BANK1: variants seen among roughly 807,000 people sequenced by gnomAD.
BANK1 encodes B cell scaffold protein with ankyrin repeats 1, also known as B-cell scaffold protein with ankyrin repeats.
Under a neutral mutation model 94.5 loss-of-function variants are expected in BANK1, and 95 were observed. The ratio of observed to expected loss-of-function variants is 1.00; its 90% CI spans 0.85 to 1.19. The LOEUF (loss-of-function observed/expected upper bound fraction) is 1.19. Among genes scored for constraint, BANK1 ranks in the 50% most tolerant of loss-of-function variants. BANK1 has a pLI of 0.00. For synonymous variants in BANK1, 334 were observed against 308.4 expected, an observed-to-expected ratio of 1.08 and a Z score of -0.87; for missense variants, 987 against 932.2, an observed-to-expected ratio of 1.06 and a Z score of -0.77.
intron 7 of BANK1, chr4:101,977,092 A>G (rs1254193894): frequency 6.6e-6 from 1 of 152,172 alleles, no homozygotes; most frequent in Non-Finnish European, 1.5e-5. Context: ...TTCAGTCAGG[A>G]TAGGCTAGCT....
intron 9 of BANK1, among the ~76,000 whole-genome samples, chr4:102,027,816 C>T (rs1381586435): frequency 1.3e-5 from 2 of 152,110 alleles, no homozygotes; most frequent in Non-Finnish European, 2.9e-5. Flanking sequence ...TTCTTTTTAA[C>T]CCAAGAATCC....
intron 2 of BANK1, among the ~76,000 whole-genome samples, chr4:101,831,354 A>G (rs1726611805): frequency 2.0e-5 from 3 of 152,118 alleles, no homozygotes; most frequent in Admixed American, 2.0e-4. Context: ...ATCAACCCCA[A>G]ATGGTTCGCT....
Position 102,033,532 on chromosome 4 carries a change from G to A in BANK1, c.1900+3267G>A, listed in dbSNP as rs79908904. On this transcript the variant is annotated intron_variant, in intron 10 of 16. Coordinates refer to ENST00000322953, the MANE Select transcript of BANK1 (RefSeq NM_017935.5). ...CCTGTGTCCTAAGTATGTAAATTTTGTACATGCAATGTTGCAATTTGTCCT... is the reference window on the plus strand; with the variant it reads ...CCTGTGTCCTAAGTATGTAAATTTTATACATGCAATGTTGCAATTTGTCCT... 3.4e-3 allele frequency among the ~76,000 whole-genome samples: 522 copies of A among 152,232 alleles called. 2 individuals are homozygous for A. The highest frequency in any genetic ancestry group is 0.01 in the Middle Eastern group (3 of 294).
chr4:101,860,154 A>T (rs187256633), intron 3 of BANK1, among the ~76,000 whole-genome samples: 1 of 152,338 alleles, frequency 6.6e-6, no homozygotes. Context: ...ATGTTCAAGC[A>T]AGCCCAGCTG....
chr4:101,908,890 T>G (rs1722560326), intron 6 of BANK1, among the ~76,000 whole-genome samples: 1 of 152,126 alleles, frequency 6.6e-6, no homozygotes, highest in African/African-American at 2.4e-5. Context: ...TGGTGATCAT[T>G]AAAAAGTCAG....
intron 4 of BANK1, among the ~76,000 whole-genome samples, chr4:101,869,059 A>G (rs145776954): frequency 4.2e-4 from 64 of 152,016 alleles, no homozygotes; most frequent in African/African-American, 1.4e-3. Flanking sequence ...TTAAAAATAT[A>G]TAGAATATTT....
chr4:102,072,179 G>A (rs1482527464), intron 14 of BANK1, among the ~76,000 whole-genome samples, 166 bp from the exon 15 acceptor site: 1 of 152,174 alleles, frequency 6.6e-6, no homozygotes, highest in Non-Finnish European at 1.5e-5. Context: ...GAAATTAACA[G>A]CACATGCCAA....
Position 101,866,451 on chromosome 4 carries a change from G to A in BANK1, c.763+3787G>A, listed in dbSNP as rs117222540. Among the ~76,000 whole-genome samples the A allele has an allele frequency of 9.5e-4, 144 of 152,128 alleles. 1 individual carries two copies. The East Asian group carries it at 0.022, about 23-fold the overall frequency. Reference sequence around the variant, plus strand: ...ACAAAATGAAGCACAATAAATATTCGCATATTAATGACAGATCAAAATACA... The same window carrying A: ...ACAAAATGAAGCACAATAAATATTCACATATTAATGACAGATCAAAATACA... On this transcript the variant is annotated intron_variant, in intron 4 of 16. Coordinates refer to ENST00000322953, the MANE Select transcript of BANK1 (RefSeq NM_017935.5).
chr4:101,829,699 A>G, intron 1 of BANK1, 109 bp from the exon 2 acceptor site: 1 of 595,610 alleles, frequency 1.7e-6, no homozygotes, highest in Non-Finnish European at 2.7e-6. Flanking sequence ...TTTCTCTGGT[A>G]TAAGCAAATT....
chr4:102,035,200 T>G (rs748578165), intron 10 of BANK1, among the ~76,000 whole-genome samples: 10 of 152,162 alleles, frequency 6.6e-5, no homozygotes, highest in Non-Finnish European at 1.3e-4. Flanking sequence ...ACTACCAATT[T>G]GAAGGGAAGA....
intron 1 of BANK1, among the ~76,000 whole-genome samples, chr4:101,821,606 C>T (rs1726150790): frequency 6.6e-6 from 1 of 152,036 alleles, no homozygotes; most frequent in East Asian, 1.9e-4. Flanking sequence ...GTCTTTAATC[C>T]ATCATGAGCT....
At chr4:101,896,497 A>G (rs1039291385) in intron 6 of BANK1, among the ~76,000 whole-genome samples, 11 of 152,096 alleles carry the variant, frequency 7.2e-5, no homozygotes, top group African/African-American at 2.6e-4. Context: ...GAAGCTGCAT[A>G]ATGGTGAGGT....
At chr4:102,071,196 C>A in intron 13 of BANK1, 79 bp from the exon 14 acceptor site, 2 of 1,484,122 alleles carry the variant, frequency 1.3e-6, no homozygotes, top group Non-Finnish European at 1.9e-6. Context: ...AGTAGTCCAA[C>A]AATTAAAAAA....
intron 5 of BANK1, among the ~76,000 whole-genome samples, chr4:101,872,117 G>A (rs1446205876): frequency 6.6e-6 from 1 of 152,050 alleles, no homozygotes; most frequent in African/African-American, 2.4e-5. Context: ...CCTGTAGAAG[G>A]GAGAATGTTG....
intron 1 of BANK1, among the ~76,000 whole-genome samples, chr4:101,818,200 G>A (rs1022856610): frequency 3.3e-5 from 5 of 152,148 alleles, no homozygotes; most frequent in Admixed American, 3.3e-4. Flanking sequence ...AGGTAAGTCA[G>A]GGAAAGGTTA....
chr4:101,830,989 TTAA>T (rs1332160929), intron 2 of BANK1, among the ~76,000 whole-genome samples: 2 of 152,212 alleles, frequency 1.3e-5, no homozygotes, highest in East Asian at 3.8e-4. Context: ...TTGCAGTTTC[TTAA>T]TAAGTCAAAT....
At chr4:101,876,111 T>G (rs1382407462) in intron 5 of BANK1, among the ~76,000 whole-genome samples, 1 of 152,144 alleles carries the variant, frequency 6.6e-6, no homozygotes, top group Non-Finnish European at 1.5e-5. Context: ...ACCCACTGCC[T>G]TGAAGGAAAG....
chr4:101,805,024 T>G (rs1204474872), intron 1 of BANK1, among the ~76,000 whole-genome samples: 1 of 152,222 alleles, frequency 6.6e-6, no homozygotes, highest in East Asian at 1.9e-4. Flanking sequence ...TTAGACTATA[T>G]AAATCTGCCA....
intron 3 of BANK1, among the ~76,000 whole-genome samples, chr4:101,861,191 G>GA (rs5860699): frequency 0.044 from 6,640 of 152,248 alleles, 201 homozygotes; most frequent in Non-Finnish European, 0.062. Context: ...TTTCCCTGTG[G>GA]AAAAATATTT....
Sources: gnomAD v4.1 joint callset for allele counts (sites outside exome capture counted in the v4.1 genomes callset) on GRCh38, gnomAD v4.1.1 for gene constraint, MANE v1.5 for transcripts, NCBI Gene and HGNC (gene_info 2026-07-23, HGNC 2026-07-21) for gene names.